Variants in MOB3B observed in about 807,000 individuals in gnomAD.
The protein encoded by MOB3B is MOB kinase activator-like 2B.
In MOB3B, 7 loss-of-function variants were observed where a neutral mutation model predicts 18.7. The observed-to-expected ratio is 0.37, with a 90% CI of 0.21 to 0.70. The LOEUF (loss-of-function observed/expected upper bound fraction) is 0.70, where lower values mean the gene tolerates loss of function less well. Among genes scored for constraint, MOB3B ranks in the 30% least tolerant of loss-of-function variants. The probability of loss-of-function intolerance (pLI) is 0.52; values close to 1 mark genes in which losing one functional copy is unlikely to be tolerated. For synonymous variants in MOB3B, 111 were observed against 99.9 expected, an observed-to-expected ratio of 1.11 and a Z score of -0.66; for missense variants, 253 against 281.3, an observed-to-expected ratio of 0.90 and a Z score of 0.72.
rs78839741 is a variant in MOB3B, at chr9:27,431,026, G to A, written c.418+24107C>T. Among the ~76,000 whole-genome samples, 586 of 152,136 alleles carry A rather than the reference G, an allele frequency of 3.9e-3. 4 individuals are homozygous for A. The highest frequency in any genetic ancestry group is 0.014 in the African/African-American group (564 of 41,522). The stretch of plus-strand genomic sequence containing the variant: ...GCTAATTTAGACATTTTTTAAAACA[G>A]GTTCCTCCACTTGTAAATGACTGCG... On this transcript the variant is annotated intron_variant, in intron 2 of 3. Coordinates refer to ENST00000262244, the MANE Select transcript of MOB3B (RefSeq NM_024761.5).
chr9:27,481,533 T>TTG (rs1279504875), intron 1 of MOB3B, among the ~76,000 whole-genome samples: 2 of 136,768 alleles, frequency 1.5e-5, no homozygotes, highest in African/African-American at 5.2e-5. Flanking sequence ...TTTTTTTTTT[T>TTG]TTGAGACGGA....
At chr9:27,411,057 C>A (rs1822058240) in intron 2 of MOB3B, among the ~76,000 whole-genome samples, 1 of 152,158 alleles carries the variant, frequency 6.6e-6, no homozygotes, top group Admixed American at 6.5e-5. Context: ...GTCTGTGAGG[C>A]AATGATCTTG....
chr9:27,474,876 T>TG (rs1819528763), intron 1 of MOB3B, among the ~76,000 whole-genome samples: 1 of 152,192 alleles, frequency 6.6e-6, no homozygotes, highest in Non-Finnish European at 1.5e-5. Flanking sequence ...ACAAATGTAT[T>TG]GGGTTATGGT....
chr9:27,459,048 T>C (rs1819237561), intron 1 of MOB3B, among the ~76,000 whole-genome samples: 1 of 151,032 alleles, frequency 6.6e-6, no homozygotes, highest in Non-Finnish European at 1.5e-5. Context: ...CAATCCAGGA[T>C]GGATAATAAC....
chr9:27,472,922 G>A (rs1819495256), intron 1 of MOB3B, among the ~76,000 whole-genome samples: 1 of 152,202 alleles, frequency 6.6e-6, no homozygotes, highest in Non-Finnish European at 1.5e-5. Context: ...TTAAAAAGAA[G>A]CATCTAAAAG....
intron 1 of MOB3B, among the ~76,000 whole-genome samples, chr9:27,468,565 C>T (rs755283595): frequency 2.6e-5 from 4 of 152,152 alleles, no homozygotes; most frequent in Non-Finnish European, 5.9e-5. Flanking sequence ...GATGCGAATG[C>T]CCCAGGACCA....
chr9:27,463,637 C>T (rs942751040), intron 1 of MOB3B, among the ~76,000 whole-genome samples: 3 of 152,098 alleles, frequency 2.0e-5, no homozygotes, highest in African/African-American at 7.2e-5. Flanking sequence ...TGAACAGACA[C>T]TTTTTATGAA....
intron 2 of MOB3B, among the ~76,000 whole-genome samples, chr9:27,396,471 T>G (rs1821801440): frequency 6.6e-6 from 1 of 152,152 alleles, no homozygotes; most frequent in African/African-American, 2.4e-5. Flanking sequence ...TAAATCCTGT[T>G]TCCTACTCAG....
chr9:27,419,003 C>A (rs897258514), intron 2 of MOB3B, among the ~76,000 whole-genome samples: 1 of 149,986 alleles, frequency 6.7e-6, no homozygotes, highest in Non-Finnish European at 1.5e-5. Context: ...CTTCTATACA[C>A]CAACTGCGAC....
chr9:27,412,138 A>T (rs1244470905), intron 2 of MOB3B, among the ~76,000 whole-genome samples: 1 of 152,044 alleles, frequency 6.6e-6, no homozygotes, highest in Non-Finnish European at 1.5e-5. Context: ...TCAAAACAAA[A>T]CAAAAACAAA....
intron 1 of MOB3B, among the ~76,000 whole-genome samples, chr9:27,468,065 A>G (rs1301903080): frequency 1.3e-5 from 2 of 152,224 alleles, no homozygotes; most frequent in African/African-American, 2.4e-5. Flanking sequence ...TCTTCGTGAC[A>G]TTAGTTCAAC....
At chr9:27,502,564 C>A (rs1820006414) in intron 1 of MOB3B, among the ~76,000 whole-genome samples, 2 of 152,210 alleles carry the variant, frequency 1.3e-5, no homozygotes, top group Admixed American at 6.5e-5. Flanking sequence ...AGACTAATGT[C>A]CTGAGATGGC....
chr9:27,520,998 A>G (rs931664751), intron 1 of MOB3B, among the ~76,000 whole-genome samples: 3 of 152,142 alleles, frequency 2.0e-5, no homozygotes, highest in African/African-American at 2.4e-5. Context: ...GTGTATGCCA[A>G]CCATCTTTCC....
chr9:27,517,145 T>C (rs528597305), intron 1 of MOB3B, among the ~76,000 whole-genome samples: 48 of 152,214 alleles, frequency 3.2e-4, no homozygotes, highest in African/African-American at 1.1e-3. Context: ...CTGCTATCAC[T>C]CTCCTAATTC....
chr9:27,490,929 C>T (rs949144436), intron 1 of MOB3B, among the ~76,000 whole-genome samples: 1 of 150,880 alleles, frequency 6.6e-6, no homozygotes, highest in African/African-American at 2.4e-5. Flanking sequence ...ATGACACCTA[C>T]CAGAATAAAA....
chr9:27,381,337 C>G (rs963376899), intron 2 of MOB3B, among the ~76,000 whole-genome samples: 2 of 150,684 alleles, frequency 1.3e-5, no homozygotes, highest in African/African-American at 2.4e-5. Flanking sequence ...GTGTTGCCTC[C>G]CCAGTCCCTG....
chr9:27,464,984 A>C (rs527768763), intron 1 of MOB3B, among the ~76,000 whole-genome samples: 168 of 152,212 alleles, frequency 1.1e-3, no homozygotes, highest in African/African-American at 3.9e-3. Flanking sequence ...ACACAGCCAA[A>C]CCATATCATT....
chr9:27,509,497 A>C (rs1820109500), intron 1 of MOB3B, among the ~76,000 whole-genome samples: 1 of 151,930 alleles, frequency 6.6e-6, no homozygotes, highest in Admixed American at 6.6e-5. Context: ...GCTCACTTCA[A>C]CCTCCGCCTC....
intron 3 of MOB3B, among the ~76,000 whole-genome samples, chr9:27,333,413 C>G (rs1472259016): frequency 1.3e-5 from 2 of 152,102 alleles, no homozygotes; most frequent in Non-Finnish European, 2.9e-5. Context: ...TCGCTTTCTT[C>G]ATCAGAGCCC....
Sources: gnomAD v4.1 joint callset for allele counts (sites outside exome capture counted in the v4.1 genomes callset) on GRCh38, gnomAD v4.1.1 for gene constraint, MANE v1.5 for transcripts, NCBI Gene and HGNC (gene_info 2026-07-23, HGNC 2026-07-21) for gene names.